TMCO5A: variants seen among roughly 807,000 people sequenced by gnomAD.
TMCO5A encodes transmembrane and coiled-coil domain-containing protein 5A.
TMCO5A carries 34 observed loss-of-function variants against 42.3 expected under a neutral mutation model. The observed-to-expected ratio is 0.80, with a 90% CI of 0.61 to 1.07. The LOEUF (loss-of-function observed/expected upper bound fraction) is 1.07. Among genes scored for constraint, TMCO5A ranks in the 50% least tolerant of loss-of-function variants. The probability of loss-of-function intolerance (pLI) is 0.00; values close to 1 mark genes in which losing one functional copy is unlikely to be tolerated. For missense variants in TMCO5A, 357 were observed against 327.9 expected (o/e 1.09, Z -0.69); for synonymous variants, 131 against 115.6 (o/e 1.13, Z -0.86).
intron 3 of TMCO5A, 109 bp downstream of exon 3, chr15:37,936,572 C>A: frequency 7.3e-7 from 1 of 1,370,954 alleles, no homozygotes; most frequent in Non-Finnish European, 9.8e-7. Flanking sequence ...CCTTGTGTGG[C>A]AAAAAGTTAA....
chr15:38,027,601 T>C, the TMCO5A span, among the ~76,000 whole-genome samples: 1 of 152,068 alleles, frequency 6.6e-6, no homozygotes, highest in Non-Finnish European at 1.5e-5. Flanking sequence ...AAGGGCATGA[T>C]TGTGTTTTGA....
At chr15:37,998,062 A>G in the TMCO5A span, among the ~76,000 whole-genome samples, 2 of 152,046 alleles carry the variant, frequency 1.3e-5, no homozygotes, top group African/African-American at 4.8e-5. Flanking sequence ...ATTTTTTCCT[A>G]TAGAGTCGTT....
the TMCO5A span, chr15:38,020,418 A>G: frequency 6.6e-6 from 1 of 152,178 alleles, no homozygotes; most frequent in South Asian, 2.1e-4. Context: ...TGACTTGGGA[A>G]AGAAGAGAAA....
At chr15:38,012,567 G>C in the TMCO5A span, among the ~76,000 whole-genome samples, 2 of 151,988 alleles carry the variant, frequency 1.3e-5, 1 homozygote, top group Non-Finnish European at 2.9e-5. Context: ...TATGTGTGTT[G>C]CTCATTTTGC....
At chr15:37,992,450 G>T in the TMCO5A span, among the ~76,000 whole-genome samples, 53 of 152,138 alleles carry the variant, frequency 3.5e-4, no homozygotes, top group Admixed American at 3.3e-3. Flanking sequence ...ATTCCTCAAA[G>T]AACTAAAAAC....
At chr15:38,016,899 C>A in the TMCO5A span, among the ~76,000 whole-genome samples, 198 of 152,008 alleles carry the variant, frequency 1.3e-3, 1 homozygote, top group African/African-American at 4.4e-3. Context: ...GTTAGACACC[C>A]TGACCTAGGC....
At chr15:38,001,846 T>C in the TMCO5A span, among the ~76,000 whole-genome samples, 2 of 152,274 alleles carry the variant, frequency 1.3e-5, no homozygotes, top group East Asian at 3.9e-4. Flanking sequence ...TTTTTGTTGT[T>C]CCTATTTATA....
At chr15:37,955,018 G>A (rs1890250807), downstream of TMCO5A, among the ~76,000 whole-genome samples, 1 of 151,508 alleles carries the variant, frequency 6.6e-6, no homozygotes, top group Non-Finnish European at 1.5e-5. Flanking sequence ...AAGGAAGACA[G>A]GAAGAAAAGA....
At chr15:37,980,642 A>G in the TMCO5A span, among the ~76,000 whole-genome samples, 1 of 142,904 alleles carries the variant, frequency 7.0e-6, no homozygotes, top group Non-Finnish European at 1.5e-5. Flanking sequence ...CTTGGCAAAA[A>G]AAAAAAAAAA....
At chr15:38,019,428 G>T in the TMCO5A span, among the ~76,000 whole-genome samples, 270 of 152,228 alleles carry the variant, frequency 1.8e-3, 3 homozygotes, top group African/African-American at 6.4e-3. Flanking sequence ...ATATAGGTCA[G>T]TTTATCAGAA....
chr15:38,008,215 G>A, the TMCO5A span, among the ~76,000 whole-genome samples: 1 of 152,016 alleles, frequency 6.6e-6, no homozygotes, highest in African/African-American at 2.4e-5. Flanking sequence ...ACACTTTCAG[G>A]TTTTACTTGC....
chr15:37,959,848 A>G (rs1595607034), intron 11 of TMCO5A, among the ~76,000 whole-genome samples: 2 of 152,126 alleles, frequency 1.3e-5, no homozygotes, highest in Admixed American at 6.6e-5. Flanking sequence ...AAAGAGAAAT[A>G]AAGAAAGAAC....
At chr15:37,936,500 C>A in intron 3 of TMCO5A, 37 bp downstream of exon 3, 1 of 1,589,594 alleles carries the variant, frequency 6.3e-7, no homozygotes, top group Non-Finnish European at 8.5e-7. Context: ...GTTCCCAATC[C>A]AAAGAAGGGG....
intron 11 of TMCO5A, among the ~76,000 whole-genome samples, chr15:37,963,536 G>T (rs1890484224): frequency 6.6e-6 from 1 of 152,128 alleles, no homozygotes; most frequent in Admixed American, 6.6e-5. Flanking sequence ...GCAGTTGTTG[G>T]ATAAAATGTT....
intron 9 of TMCO5A, chr15:37,942,459 G>A (rs1249860201): frequency 3.7e-6 from 2 of 537,982 alleles, no homozygotes. Context: ...CTTCTAAAAA[G>A]ACCACAGAAA....
At chr15:37,996,423 T>C in the TMCO5A span, among the ~76,000 whole-genome samples, 2,485 of 152,288 alleles carry the variant, frequency 0.016, 73 homozygotes, top group African/African-American at 0.055. Context: ...AACTAGGAAG[T>C]CTGTTTTGGG....
the TMCO5A span, among the ~76,000 whole-genome samples, chr15:38,029,399 A>G: frequency 6.6e-6 from 1 of 151,026 alleles, no homozygotes; most frequent in Admixed American, 6.6e-5. Flanking sequence ...ACACACACAC[A>G]CACACACTGT....
At chr15:37,986,683 T>C in the TMCO5A span, among the ~76,000 whole-genome samples, 3 of 152,040 alleles carry the variant, frequency 2.0e-5, no homozygotes, top group Non-Finnish European at 4.4e-5. Flanking sequence ...AGGTACCTCA[T>C]ATAAATGGAA....
At chr15:38,013,203 G>A in the TMCO5A span, among the ~76,000 whole-genome samples, 1 of 152,166 alleles carries the variant, frequency 6.6e-6, no homozygotes, top group East Asian at 1.9e-4. Context: ...ATGTTGCTAA[G>A]ATCACAAAGA....
Sources: gnomAD v4.1 joint callset for allele counts (sites outside exome capture counted in the v4.1 genomes callset) on GRCh38, gnomAD v4.1.1 for gene constraint, MANE v1.5 for transcripts, NCBI Gene and HGNC (gene_info 2026-07-23, HGNC 2026-07-21) for gene names.